The following ATP10B variants were observed in gnomAD, a reference collection of about 807,000 sequenced individuals.
ATP10B encodes ATPase phospholipid transporting 10B (putative).
In ATP10B, 122 loss-of-function variants were observed where a neutral mutation model predicts 141.2. The ratio of observed to expected loss-of-function variants is 0.86; its 90% CI spans 0.75 to 1.00. The LOEUF is 1.00. ATP10B is among the 50% of genes least tolerant of loss of function. ATP10B has a pLI of 0.00. For synonymous variants in ATP10B, 685 were observed against 692.0 expected, an observed-to-expected ratio of 0.99 and a Z score of 0.16; for missense variants, 1,876 against 1,825.3, an observed-to-expected ratio of 1.03 and a Z score of -0.51.
intron 7 of ATP10B, among the ~76,000 whole-genome samples, chr5:160,669,765 C>T (rs1261414257): frequency 6.6e-6 from 1 of 151,218 alleles, no homozygotes; most frequent in Non-Finnish European, 1.5e-5. Flanking sequence ...ACGGGGCTGG[C>T]TATTTTTTAA....
At chr5:160,669,927 A>AAAAAAAAAAAAAAAAAAAAAAAAC in intron 7 of ATP10B, among the ~76,000 whole-genome samples, 1 of 151,166 alleles carries the variant, frequency 6.6e-6, no homozygotes, top group Non-Finnish European at 1.5e-5. Flanking sequence ...TTAAAAAAAA[A>AAAAAAAAAAAAAAAAAAAAAAAAC]AAGATATCAG....
At chr5:160,639,673 T>A (rs1449586789) in intron 10 of ATP10B, among the ~76,000 whole-genome samples, 1 of 152,210 alleles carries the variant, frequency 6.6e-6, no homozygotes, top group Non-Finnish European at 1.5e-5. Flanking sequence ...ACATTTTTGG[T>A]ATCAGTGGCT....
intron 18 of ATP10B, 173 bp downstream of exon 18, chr5:160,612,568 A>C: frequency 1.9e-6 from 1 of 526,702 alleles, no homozygotes; most frequent in Non-Finnish European, 3.3e-6. Context: ...GAGATAAAGG[A>C]TATTGGGCTG....
intron 1 of ATP10B, among the ~76,000 whole-genome samples, chr5:160,818,934 G>T (rs1773894813): frequency 6.6e-6 from 1 of 152,108 alleles, no homozygotes; most frequent in Non-Finnish European, 1.5e-5. Context: ...TCACTCATAG[G>T]TGGGAATTGA....
At chr5:160,738,614 T>C (rs962918174) in intron 2 of ATP10B, among the ~76,000 whole-genome samples, 4 of 152,118 alleles carry the variant, frequency 2.6e-5, no homozygotes, top group African/African-American at 9.7e-5. Context: ...TGAACAACTT[T>C]ATGCAATAAA....
chr5:160,750,851 G>C (rs59356083), intron 2 of ATP10B, among the ~76,000 whole-genome samples: 13,874 of 152,218 alleles, frequency 0.091, 1,045 homozygotes, highest in East Asian at 0.32. Context: ...TCCAAGCTGA[G>C]GTGTCTCACT....
At chr5:160,668,310 CAT>C (rs917241758) in intron 7 of ATP10B, among the ~76,000 whole-genome samples, 2 of 150,820 alleles carry the variant, frequency 1.3e-5, no homozygotes, top group African/African-American at 4.9e-5. Context: ...GTCATTCTTA[CAT>C]ACTCATTCAC....
intron 7 of ATP10B, among the ~76,000 whole-genome samples, chr5:160,650,151 C>CATATATATACATAT (rs1760618429): frequency 6.7e-6 from 1 of 148,452 alleles, no homozygotes; most frequent in African/African-American, 2.5e-5. Flanking sequence ...CACACACATA[C>CATATATATACATAT]ATATATATAC....
the ATP10B span, among the ~76,000 whole-genome samples, chr5:160,919,950 G>A: frequency 6.6e-6 from 1 of 152,204 alleles, no homozygotes; most frequent in Non-Finnish European, 1.5e-5. Context: ...AGATAATTTG[G>A]TAAGAGACAG....
intron 22 of ATP10B, 46 bp downstream of exon 22, chr5:160,598,724 A>T: frequency 6.3e-7 from 1 of 1,576,480 alleles, no homozygotes; most frequent in Non-Finnish European, 8.7e-7. Flanking sequence ...GGTAGAGGTC[A>T]GTAAGAAGCT....
intron 1 of ATP10B, among the ~76,000 whole-genome samples, chr5:160,809,528 T>A (rs1773007627): frequency 6.6e-6 from 1 of 152,226 alleles, no homozygotes; most frequent in Admixed American, 6.5e-5. Context: ...ACATTTATCA[T>A]TTCTATGTGT....
At chr5:160,902,373 T>C in the ATP10B span, among the ~76,000 whole-genome samples, 1 of 152,198 alleles carries the variant, frequency 6.6e-6, no homozygotes, top group African/African-American at 2.4e-5. Context: ...ATTAATTTGC[T>C]ATATGACCTT....
intron 1 of ATP10B, among the ~76,000 whole-genome samples, chr5:160,840,813 AATAAT>A (rs1234680647): frequency 9.8e-5 from 15 of 152,288 alleles, no homozygotes; most frequent in Middle Eastern, 6.8e-3. Context: ...CAATTTATAA[AATAAT>A]ATAAGCATGG....
Position 160,634,612 on chromosome 5 carries a change from AAG to A in ATP10B, c.1129-8_1129-7del, listed in dbSNP as rs1162744509. On this transcript the variant is annotated splice_polypyrimidine_tract_variant and splice_region_variant and intron_variant, in intron 11 of 25. Coordinates refer to ENST00000327245, the MANE Select transcript of ATP10B (RefSeq NM_025153.3). ...AAAGAGATGGGGATCAGCACCTGAA[AAG>A]AGATGAGTTTCTACCATTCAGAAAC... 6.2e-7 allele frequency: 1 copy of A among 1,600,546 alleles called. No individual in the cohort carries two copies. Among genetic ancestry groups the A allele is most frequent in the East Asian group, 2.2e-5 (1 of 44,766 alleles).
chr5:160,578,603 T>G (rs1755346272), intron 24 of ATP10B, among the ~76,000 whole-genome samples: 1 of 152,168 alleles, frequency 6.6e-6, no homozygotes, highest in African/African-American at 2.4e-5. Flanking sequence ...TGGTGGGCAT[T>G]TGGGTTGGTT....
rs953658699 is a variant in ATP10B, at chr5:160,785,660, T to C, written c.-432A>G. On this transcript the variant is annotated 5_prime_UTR_variant, in exon 2 of 26. Coordinates refer to ENST00000327245, the MANE Select transcript of ATP10B (RefSeq NM_025153.3). ...CTTTGTGTCCATGTGTAAGAAATGG[T>C]AGTTTCTCATCTTGGCAGTGGAGAG... 15 of 1,286,740 alleles carry C rather than the reference T, an allele frequency of 1.2e-5. No homozygotes were observed. Among genetic ancestry groups the C allele is most frequent in the Non-Finnish European group, 1.1e-5 (11 of 986,588 alleles). 79.7% of individuals were successfully genotyped at this position (1,286,740 alleles called of 1,614,324 possible).
At chr5:160,776,896 G>A (rs1190055186) in intron 2 of ATP10B, among the ~76,000 whole-genome samples, 2 of 152,190 alleles carry the variant, frequency 1.3e-5, no homozygotes, top group Non-Finnish European at 2.9e-5. Context: ...AATGATTTTA[G>A]TCGGACACTT....
At chr5:160,737,246 A>G (rs1767182248) in intron 2 of ATP10B, among the ~76,000 whole-genome samples, 1 of 152,226 alleles carries the variant, frequency 6.6e-6, no homozygotes, top group South Asian at 2.1e-4. Context: ...TATAGAGGGA[A>G]CATACCTCAA....
At chr5:160,812,760 A>G (rs1424886090) in intron 1 of ATP10B, among the ~76,000 whole-genome samples, 2 of 152,216 alleles carry the variant, frequency 1.3e-5, no homozygotes, top group Non-Finnish European at 2.9e-5. Context: ...TACAGGATCT[A>G]GAAAATGGTT....
Sources: gnomAD v4.1 joint callset for allele counts (sites outside exome capture counted in the v4.1 genomes callset) on GRCh38, gnomAD v4.1.1 for gene constraint, MANE v1.5 for transcripts, NCBI Gene and HGNC (gene_info 2026-07-23, HGNC 2026-07-21) for gene names.